The following TUBGCP3 variants were observed in gnomAD, a reference collection of about 807,000 sequenced individuals.
TUBGCP3 encodes tubulin gamma complex component 3.
TUBGCP3 carries 50 observed loss-of-function variants against 123.1 expected under a neutral mutation model. The observed-to-expected ratio is 0.41, with a 90% CI of 0.32 to 0.51. TUBGCP3 has a LOEUF of 0.51. Ranked by LOEUF, TUBGCP3 falls within the 20% of genes least tolerant of loss-of-function variation. The probability of loss-of-function intolerance (pLI) is 0.36; values close to 1 mark genes in which losing one functional copy is unlikely to be tolerated. For synonymous variants in TUBGCP3, 405 were observed against 413.9 expected (o/e 0.98, Z 0.26); for missense variants, 882 against 1,127.0 (o/e 0.78, Z 3.11).
At chr13:112,535,299 T>C (rs1207351006) in intron 11 of TUBGCP3, among the ~76,000 whole-genome samples, 1 of 152,252 alleles carries the variant, frequency 6.6e-6, no homozygotes, top group Non-Finnish European at 1.5e-5. Flanking sequence ...TCTTTGGGTA[T>C]ATACCTAGGA....
chr13:112,499,074 C>T lies in TUBGCP3; in HGVS notation c.2419G>A (p.Glu807Lys), dbSNP rs1481901685. The stretch of plus-strand genomic sequence containing the variant: ...ATTTCACGCTGTTTCTTTTTCTCTT[C>T]AAACTGTAATCGTCTCTGCAATTCT... ...LEELQRRLQF[E>K]EKKKQREIEG... Residue 807 changes from glutamate (E) to lysine (K), a missense_variant, in exon 20 of 22, where the codon GAA becomes AAA. By Grantham distance (56) the Glu-to-Lys change is moderately conservative. Around this residue, in one of 3 missense-constraint regions of TUBGCP3, gnomAD observed 160 missense variants for 220.3 expected, o/e 0.73. Coordinates refer to ENST00000261965, the MANE Select transcript of TUBGCP3 (RefSeq NM_006322.6). 3 of 1,614,168 alleles carry T rather than the reference C, an allele frequency of 1.9e-6. No homozygotes were observed. In the South Asian group the frequency reaches 3.3e-5, roughly 18 times the overall value.
chr13:112,550,360 AT>A (rs1232083732), intron 8 of TUBGCP3, among the ~76,000 whole-genome samples: 1 of 152,140 alleles, frequency 6.6e-6, no homozygotes, highest in Non-Finnish European at 1.5e-5. Context: ...ATTTTACTGC[AT>A]TTATGGTTTG....
At chr13:112,565,297 T>A (rs541181713) in intron 2 of TUBGCP3, 119 bp from the exon 3 acceptor site, 1 of 834,740 alleles carries the variant, frequency 1.2e-6, no homozygotes, top group African/African-American at 1.7e-5. Flanking sequence ...CAAAAGTCAC[T>A]GTCAAATTAG....
intron 11 of TUBGCP3, among the ~76,000 whole-genome samples, chr13:112,544,345 T>C (rs1006926554): frequency 3.2e-4 from 47 of 147,248 alleles, no homozygotes; most frequent in Admixed American, 5.6e-4. Context: ...CCAAGCTACC[T>C]GGGAGGCTGA....
At chr13:112,535,402 TA>T (rs544080922) in intron 11 of TUBGCP3, among the ~76,000 whole-genome samples, 2 of 152,362 alleles carry the variant, frequency 1.3e-5, no homozygotes, top group South Asian at 4.1e-4. Flanking sequence ...TCTGTGTTTC[TA>T]ACCAGCAACG....
At chr13:112,522,287 T>C (rs1441208987) in intron 14 of TUBGCP3, 33 bp downstream of exon 14, 2 of 1,453,316 alleles carry the variant, frequency 1.4e-6, no homozygotes, top group Non-Finnish European at 1.9e-6. Context: ...TCAAATATAT[T>C]ACTTATTTAT....
Position 112,532,692 on chromosome 13 carries a change from G to C in TUBGCP3, c.1336-5208C>G, listed in dbSNP as rs143716133. ...TGGAAAAAGTTGGTTTACTTTTACA[G>C]TACTTACATTTAAGAGCAAAAAATA... is the stretch of plus-strand genomic sequence containing the variant. On this transcript the variant is annotated intron_variant, in intron 11 of 21. Transcript: ENST00000261965. 2.4e-3 allele frequency among the ~76,000 whole-genome samples: 368 copies of C among 152,328 alleles called. 2 individuals carry two copies. Among genetic ancestry groups the C allele is most frequent in the African/African-American group, 8.4e-3 (348 of 41,574 alleles).
chr13:112,526,336 A>G (rs928971093), intron 13 of TUBGCP3, among the ~76,000 whole-genome samples: 2 of 139,476 alleles, frequency 1.4e-5, no homozygotes, highest in East Asian at 4.2e-4. Flanking sequence ...CATCGCTGTC[A>G]TCACCACCCA....
intron 20 of TUBGCP3, among the ~76,000 whole-genome samples, chr13:112,493,843 A>G (rs1210248198): frequency 1.1e-4 from 15 of 139,228 alleles, no homozygotes; most frequent in African/African-American, 3.6e-4. Flanking sequence ...CAGACGCTCT[A>G]GCTATAGGAA....
intron 20 of TUBGCP3, among the ~76,000 whole-genome samples, chr13:112,494,654 C>G (rs1485216438): frequency 6.6e-6 from 1 of 152,206 alleles, no homozygotes; most frequent in Non-Finnish European, 1.5e-5. Flanking sequence ...AAACTTATAT[C>G]CATGGTGGCT....
chr13:112,535,833 A>G (rs2139126981), intron 11 of TUBGCP3, among the ~76,000 whole-genome samples: 1 of 152,324 alleles, frequency 6.6e-6, no homozygotes, highest in South Asian at 2.1e-4. Flanking sequence ...TATCTAAGAA[A>G]CTGCTGCCAA....
chr13:112,510,004 A>G (rs540428959), intron 17 of TUBGCP3, among the ~76,000 whole-genome samples: 8 of 152,322 alleles, frequency 5.3e-5, no homozygotes, highest in Non-Finnish European at 8.8e-5. Context: ...ACAAGTAACT[A>G]TATAATTATA....
At chr13:112,558,553 T>C in intron 4 of TUBGCP3, 140 bp from the exon 5 acceptor site, 2 of 733,902 alleles carry the variant, frequency 2.7e-6, no homozygotes, top group South Asian at 3.4e-5. Flanking sequence ...AACAATAAAT[T>C]AGATGTTATG....
At chr13:112,520,782 A>G (rs1876552136) in intron 14 of TUBGCP3, among the ~76,000 whole-genome samples, 1 of 152,212 alleles carries the variant, frequency 6.6e-6, no homozygotes, top group Non-Finnish European at 1.5e-5. Context: ...AGGGTTACTG[A>G]TATCTGCTTT....
Position 112,565,934 on chromosome 13 carries a change from C to CA in TUBGCP3, c.185-757dup, listed in dbSNP as rs201734900. On this transcript the variant is annotated intron_variant, in intron 2 of 21. Transcript: ENST00000261965. The stretch of plus-strand genomic sequence containing the variant: ...TGGCCGACAGAGCGAGACTCTGTCT[C>CA]AAAAAAAAAAAAAAAAGATACACAG... 5.0e-3 allele frequency among the ~76,000 whole-genome samples: 551 copies of CA among 111,294 alleles called. 3 individuals carry two copies. The highest frequency in any genetic ancestry group is 0.02 in the East Asian group (71 of 3,560). 73.0% of individuals were successfully genotyped at this position (111,294 alleles called of 152,430 possible).
intron 18 of TUBGCP3, among the ~76,000 whole-genome samples, chr13:112,504,402 C>T (rs1437926983): frequency 4.0e-5 from 6 of 150,852 alleles, no homozygotes; most frequent in African/African-American, 1.5e-4. Flanking sequence ...GCAGGAGAAT[C>T]GCTTGAACCC....
chr13:112,595,268 C>CT, the TUBGCP3 span, among the ~76,000 whole-genome samples: 2 of 151,910 alleles, frequency 1.3e-5, no homozygotes, highest in Admixed American at 6.6e-5. Context: ...GCAATCTCAG[C>CT]TCACTGCAAG....
intron 20 of TUBGCP3, among the ~76,000 whole-genome samples, chr13:112,495,927 T>C (rs1880498758): frequency 6.6e-6 from 1 of 152,080 alleles, no homozygotes; most frequent in Non-Finnish European, 1.5e-5. Context: ...GTGGAAAAAT[T>C]TTTGGCAAAA....
intron 1 of TUBGCP3, among the ~76,000 whole-genome samples, chr13:112,577,388 C>T (rs1482379571): frequency 6.6e-6 from 1 of 152,010 alleles, no homozygotes; most frequent in Non-Finnish European, 1.5e-5. Context: ...AAATATGTAG[C>T]CCCAGTCTAG....
Sources: gnomAD v4.1 joint callset for allele counts (sites outside exome capture counted in the v4.1 genomes callset) on GRCh38, gnomAD v4.1.1 for gene constraint, gnomAD v4.1.1 regional missense constraint, MANE v1.5 for transcripts, NCBI Gene and HGNC (gene_info 2026-07-23, HGNC 2026-07-21) for gene names.